The following COL4A6 variants were observed in gnomAD, a reference collection of about 807,000 sequenced individuals.
COL4A6 encodes collagen alpha-6(IV) chain.
A neutral mutation model predicts 126.7 loss-of-function variants in COL4A6; 59 were observed. The ratio of observed to expected loss-of-function variants is 0.47; its 90% CI spans 0.38 to 0.58. COL4A6 has a LOEUF of 0.58. COL4A6 is among the 20% of genes least tolerant of loss of function. The pLI is 0.00. For synonymous variants in COL4A6, 547 were observed against 496.6 expected (o/e 1.10, Z -1.35); for missense variants, 1,285 against 1,337.3 (o/e 0.96, Z 0.61).
At chrX:108,209,162 A>C (rs764875367) in intron 8 of COL4A6, among the ~76,000 whole-genome samples, 1 of 111,864 alleles carries the variant, frequency 8.9e-6, no homozygotes, top group African/African-American at 3.3e-5. Flanking sequence ...ACTTTTTCTC[A>C]TGAAACTCCG....
At chrX:108,183,135 T>C (rs1316115392) in intron 23 of COL4A6, among the ~76,000 whole-genome samples, 2 of 112,495 alleles carry the variant, frequency 1.8e-5, no homozygotes, top group Non-Finnish European at 3.8e-5. Flanking sequence ...TCTGGCTCTT[T>C]TCCTTTATAC....
At chrX:108,179,144 G>C in intron 26 of COL4A6, 73 bp downstream of exon 26, 1 of 934,718 alleles carries the variant, frequency 1.1e-6, no homozygotes, top group South Asian at 2.2e-5. Flanking sequence ...ATTCATGCAA[G>C]TATTCATGGA....
At chrX:108,238,815 A>C (rs1445998746) in intron 3 of COL4A6, among the ~76,000 whole-genome samples, 1 of 111,369 alleles carries the variant, frequency 9.0e-6, no homozygotes, top group African/African-American at 3.3e-5. Flanking sequence ...TCAGCAATAC[A>C]TGAAAAATCA....
intron 3 of COL4A6, among the ~76,000 whole-genome samples, chrX:108,265,308 CTAGT>C: frequency 9.1e-6 from 1 of 110,397 alleles, no homozygotes; most frequent in East Asian, 2.9e-4. Flanking sequence ...ATCAGGCATT[CTAGT>C]TGGAGGAGAG....
At chrX:108,177,446 G>C (rs1001287815) in intron 27 of COL4A6, among the ~76,000 whole-genome samples, 2 of 111,612 alleles carry the variant, frequency 1.8e-5, no homozygotes, top group Non-Finnish European at 3.8e-5. Context: ...CTGAGCTGTT[G>C]TTTCAGCCTC....
chrX:108,250,391 C>G (rs1569381777), intron 3 of COL4A6, among the ~76,000 whole-genome samples: 1 of 110,749 alleles, frequency 9.0e-6, no homozygotes, highest in Non-Finnish European at 1.9e-5. Context: ...GAGATGAACT[C>G]TTTATTTATC....
chrX:108,285,886 A>G (rs1027059271), intron 3 of COL4A6, among the ~76,000 whole-genome samples: 5 of 111,912 alleles, frequency 4.5e-5, no homozygotes, highest in Non-Finnish European at 9.4e-5. Context: ...AATTCTGGGT[A>G]GGAGTGAGGT....
intron 2 of COL4A6, among the ~76,000 whole-genome samples, chrX:108,411,810 T>C (rs1447778834): frequency 4.5e-5 from 5 of 111,850 alleles, no homozygotes; most frequent in Non-Finnish European, 9.4e-5. Context: ...CATTAAGCTT[T>C]ATTGCAAAAC....
intron 2 of COL4A6, among the ~76,000 whole-genome samples, chrX:108,434,303 TC>T (rs1462009424): frequency 1.8e-5 from 2 of 110,767 alleles, no homozygotes; most frequent in Non-Finnish European, 3.8e-5. Flanking sequence ...ATTTTTTTTT[TC>T]CTTTTGAGAC....
At chrX:108,421,216 A>T (rs1183298979) in intron 2 of COL4A6, among the ~76,000 whole-genome samples, 1 of 112,223 alleles carries the variant, frequency 8.9e-6, no homozygotes, top group Non-Finnish European at 1.9e-5. Flanking sequence ...GAGCTGGAAG[A>T]TGATGAGATG....
intron 2 of COL4A6, among the ~76,000 whole-genome samples, chrX:108,364,230 A>C (rs1394378431): frequency 9.1e-6 from 1 of 110,162 alleles, no homozygotes; most frequent in Non-Finnish European, 1.9e-5. Flanking sequence ...TTTGCCTACA[A>C]CCTTGAGAAG....
At chrX:108,318,129 T>A (rs1231831093) in intron 2 of COL4A6, among the ~76,000 whole-genome samples, 5 of 111,664 alleles carry the variant, frequency 4.5e-5, no homozygotes, top group African/African-American at 9.8e-5. Flanking sequence ...AAACCACATG[T>A]TTATCTCAAT....
At chrX:108,363,921 A>C (rs1347816868) in intron 2 of COL4A6, among the ~76,000 whole-genome samples, 1 of 110,532 alleles carries the variant, frequency 9.0e-6, no homozygotes. Context: ...CCCAGGCTGG[A>C]GTGCAGTGGT....
intron 2 of COL4A6, among the ~76,000 whole-genome samples, chrX:108,422,205 A>T: frequency 9.1e-6 from 1 of 110,015 alleles, no homozygotes; most frequent in East Asian, 2.9e-4. Context: ...TCTACAAAAA[A>T]TTTTTAAAAA....
intron 2 of COL4A6, among the ~76,000 whole-genome samples, chrX:108,399,668 T>A (rs774943274): frequency 4.5e-5 from 5 of 111,694 alleles, no homozygotes; most frequent in African/African-American, 1.6e-4. Flanking sequence ...AAGCAGCAGA[T>A]TTTAATCACC....
At chrX:108,405,961 C>A (rs778024854) in intron 2 of COL4A6, among the ~76,000 whole-genome samples, 4 of 110,877 alleles carry the variant, frequency 3.6e-5, no homozygotes, top group Non-Finnish European at 7.6e-5. Context: ...GCCAATTTTA[C>A]CTCCTATTTA....
At chrX:108,240,032 C>T (rs1326324597) in intron 3 of COL4A6, among the ~76,000 whole-genome samples, 1 of 111,086 alleles carries the variant, frequency 9.0e-6, no homozygotes, top group East Asian at 2.8e-4. Context: ...CACTTGAGGT[C>T]AGGAGTTTGA....
At chrX:108,267,538 A>G (rs967585959) in intron 3 of COL4A6, 1 of 112,768 alleles carries the variant, frequency 8.9e-6, no homozygotes, top group Non-Finnish European at 1.9e-5. Flanking sequence ...TTGACTATAC[A>G]GTAGAAGCTT....
intron 2 of COL4A6, among the ~76,000 whole-genome samples, chrX:108,381,818 A>C (rs2040562749): frequency 8.9e-6 from 1 of 111,756 alleles, no homozygotes; most frequent in African/African-American, 3.2e-5. Context: ...TCTAACAAAT[A>C]AAATCATATG....
Sources: allele counts gnomAD v4.1 joint callset (sites outside exome capture counted in the v4.1 genomes callset), GRCh38; gene constraint gnomAD v4.1.1; transcripts MANE v1.5; gene names NCBI Gene and HGNC (gene_info 2026-07-23, HGNC 2026-07-21).